TACC2: variants seen among roughly 807,000 people sequenced by gnomAD.
TACC2 encodes transforming acidic coiled-coil-containing protein 2.
A neutral mutation model predicts 227.3 loss-of-function variants in TACC2; 137 were observed. That is an observed-to-expected ratio of 0.60 (90% CI 0.52 to 0.69). The LOEUF (loss-of-function observed/expected upper bound fraction) is 0.69. Among genes scored for constraint, TACC2 ranks in the 30% least tolerant of loss-of-function variants. The probability of loss-of-function intolerance (pLI) is 0.00; values close to 1 mark genes in which losing one functional copy is unlikely to be tolerated. For synonymous variants in TACC2, 1,523 were observed against 1,487.5 expected, an observed-to-expected ratio of 1.02 and a Z score of -0.55; for missense variants, 3,470 against 3,694.4, an observed-to-expected ratio of 0.94 and a Z score of 1.57.
intron 5 of TACC2, among the ~76,000 whole-genome samples, chr10:122,092,208 T>C (rs991865964): frequency 1.3e-5 from 2 of 152,228 alleles, no homozygotes; most frequent in African/African-American, 4.8e-5. Context: ...ATTCTTTCTC[T>C]GCTAAAATAT....
At chr10:122,169,655 T>TTC (rs762448573) in intron 7 of TACC2, among the ~76,000 whole-genome samples, 1 of 152,172 alleles carries the variant, frequency 6.6e-6, no homozygotes, top group Non-Finnish European at 1.5e-5. Context: ...TTGTTTTCTG[T>TTC]TCTCTCTCTC....
chr10:122,122,547 C>G (rs2086044880), intron 5 of TACC2, among the ~76,000 whole-genome samples: 1 of 150,108 alleles, frequency 6.7e-6, no homozygotes. Flanking sequence ...GCTTTCTCAT[C>G]CGAGAGTGGA....
At chr10:122,043,744 T>C (rs1422707349) in intron 2 of TACC2, among the ~76,000 whole-genome samples, 1 of 152,162 alleles carries the variant, frequency 6.6e-6, no homozygotes, top group Non-Finnish European at 1.5e-5. Context: ...CACACCTGGC[T>C]AATTTTTGTA....
chr10:122,204,188 G>A (rs1475426965), intron 8 of TACC2, among the ~76,000 whole-genome samples: 1 of 141,956 alleles, frequency 7.0e-6, no homozygotes, highest in Non-Finnish European at 1.5e-5. Flanking sequence ...AGGGAGAGGG[G>A]GAGGGGGAGG....
chr10:122,210,991 A>C lies in TACC2; in HGVS notation c.6566A>C (p.Glu2189Ala). The C allele has an allele frequency of 6.2e-7, 1 of 1,613,230 alleles. No individual in the cohort carries two copies. Among genetic ancestry groups the C allele is most frequent in the South Asian group, 1.1e-5 (1 of 90,900 alleles). ...GAAGGTCCTAGCCCAGCCTTATTGG[A>C]GGAGACGCCCCTTGAGCCCGCTGTG... is the stretch of plus-strand genomic sequence containing the variant. ...KTEGPSPALL[E>A]ETPLEPAVGP... Residue 2189 changes from glutamate (E) to alanine (A), a missense_variant, in exon 9 of 23, where the codon GAG becomes GCG. Coordinates refer to ENST00000369005, the MANE Select transcript of TACC2 (RefSeq NM_206862.4). The surrounding 1 kb of genome is among the most constrained non-coding windows in gnomAD (Gnocchi z 4.6).
intron 3 of TACC2, among the ~76,000 whole-genome samples, chr10:122,076,342 T>G (rs1173106147): frequency 1.3e-5 from 2 of 152,172 alleles, no homozygotes; most frequent in Non-Finnish European, 2.9e-5. Context: ...CCAATCACCT[T>G]CACCTCTTAA....
intron 6 of TACC2, among the ~76,000 whole-genome samples, chr10:122,138,357 A>C (rs1352477186): frequency 6.6e-6 from 1 of 152,166 alleles, no homozygotes. Context: ...AATATGTAAA[A>C]AAATTAGCTG....
chr10:122,176,624 T>G (rs1333799182), intron 7 of TACC2, among the ~76,000 whole-genome samples: 2 of 152,196 alleles, frequency 1.3e-5, no homozygotes, highest in Non-Finnish European at 2.9e-5. Context: ...TAGATAACCA[T>G]GCAGATTCAA....
At chr10:122,004,765 G>A (rs186646924) in intron 1 of TACC2, among the ~76,000 whole-genome samples, 79 of 152,264 alleles carry the variant, frequency 5.2e-4, no homozygotes, top group Middle Eastern at 3.4e-3. Flanking sequence ...GGCTCTACAT[G>A]TATTAAACTC....
At chr10:122,063,884 AG>A (rs914876019) in intron 3 of TACC2, among the ~76,000 whole-genome samples, 4 of 151,476 alleles carry the variant, frequency 2.6e-5, no homozygotes, top group African/African-American at 7.3e-5. Flanking sequence ...GTGTGTGGTC[AG>A]GCGTGGTGGC....
intron 5 of TACC2, among the ~76,000 whole-genome samples, chr10:122,100,585 G>C (rs536847020): frequency 6.1e-4 from 92 of 152,034 alleles, no homozygotes; most frequent in Middle Eastern, 6.8e-3. Context: ...CACCACACCT[G>C]ACTAACTGTT....
intron 5 of TACC2, among the ~76,000 whole-genome samples, chr10:122,111,419 AG>A: frequency 6.6e-6 from 1 of 152,280 alleles, no homozygotes; most frequent in South Asian, 2.1e-4. Flanking sequence ...TGCCCAGTTG[AG>A]GTGCTGGAGC....
intron 7 of TACC2, among the ~76,000 whole-genome samples, chr10:122,152,551 C>T (rs2092146312): frequency 6.6e-6 from 1 of 152,344 alleles, no homozygotes; most frequent in South Asian, 2.1e-4. Flanking sequence ...CTATTCCATT[C>T]CATTCCATAA....
intron 7 of TACC2, among the ~76,000 whole-genome samples, chr10:122,154,068 A>G (rs779424071): frequency 6.6e-6 from 1 of 152,200 alleles, no homozygotes; most frequent in Non-Finnish European, 1.5e-5. Context: ...GGCTCGTCCT[A>G]GGGAGGACCT....
intron 12 of TACC2, among the ~76,000 whole-genome samples, chr10:122,225,680 A>C (rs1466665370): frequency 6.6e-6 from 1 of 151,998 alleles, no homozygotes. Flanking sequence ...ATGGATTGAA[A>C]CCACAAGGGG....
At chr10:122,024,846 C>T (rs1957788203) in intron 2 of TACC2, among the ~76,000 whole-genome samples, 1 of 152,146 alleles carries the variant, frequency 6.6e-6, no homozygotes, top group Admixed American at 6.5e-5. Context: ...CAGTTTTTGT[C>T]TTTTACAGAT....
intron 7 of TACC2, among the ~76,000 whole-genome samples, chr10:122,186,998 A>T (rs1565544946): frequency 6.6e-6 from 1 of 152,126 alleles, no homozygotes; most frequent in Non-Finnish European, 1.5e-5. Context: ...ATCTAGTTAC[A>T]AATCGGTGAA....
intron 5 of TACC2, among the ~76,000 whole-genome samples, chr10:122,106,193 C>T (rs1592072107): frequency 2.7e-5 from 4 of 146,694 alleles, no homozygotes; most frequent in South Asian, 2.2e-4. Context: ...TTGCCATGTT[C>T]GCCAGGTTGG....
chr10:122,095,577 C>T (rs112456581), intron 5 of TACC2, among the ~76,000 whole-genome samples: 1 of 152,190 alleles, frequency 6.6e-6, no homozygotes, highest in Non-Finnish European at 1.5e-5. Flanking sequence ...GAAATGGAGG[C>T]TCCCAATGGT....
Sources: gnomAD v4.1 joint callset for allele counts (sites outside exome capture counted in the v4.1 genomes callset) on GRCh38, gnomAD v4.1.1 for gene constraint, Gnocchi (gnomAD v3.1) non-coding constraint, MANE v1.5 for transcripts, NCBI Gene and HGNC (gene_info 2026-07-23, HGNC 2026-07-21) for gene names.